The following TBXAS1 variants were observed in gnomAD, a reference collection of about 807,000 sequenced individuals.
TBXAS1 encodes thromboxane A synthase 1, also known as thromboxane-A synthase.
TBXAS1 carries 48 observed loss-of-function variants against 60.7 expected under a neutral mutation model. The observed-to-expected ratio is 0.79, with a 90% CI of 0.63 to 1.01. The LOEUF (loss-of-function observed/expected upper bound fraction) is 1.01, where lower values mean the gene tolerates loss of function less well. TBXAS1 is among the 50% of genes least tolerant of loss of function. TBXAS1 has a pLI of 0.00. For synonymous variants in TBXAS1, 287 were observed against 269.7 expected (o/e 1.06, Z -0.63); for missense variants, 685 against 686.3 (o/e 1.00, Z 0.02).
chr7:139,849,208 G>A (rs915329172), intron 1 of TBXAS1, among the ~76,000 whole-genome samples: 13 of 151,762 alleles, frequency 8.6e-5, no homozygotes, highest in Non-Finnish European at 1.3e-4. Flanking sequence ...GGAAGTCTCC[G>A]TCTCTACAGA....
At chr7:139,924,241 G>A (rs551197223) in intron 4 of TBXAS1, among the ~76,000 whole-genome samples, 4 of 152,208 alleles carry the variant, frequency 2.6e-5, no homozygotes, top group South Asian at 2.1e-4. Flanking sequence ...GTTCTCCATA[G>A]TGATTGTCCT....
intron 4 of TBXAS1, among the ~76,000 whole-genome samples, chr7:139,923,127 G>C (rs796813313): frequency 2.9e-4 from 44 of 151,758 alleles, no homozygotes; most frequent in African/African-American, 1.0e-3. Flanking sequence ...AGACCAGCCT[G>C]GGTAACAAAC....
At chr7:139,827,599 G>A (rs1368793382), upstream of TBXAS1, among the ~76,000 whole-genome samples, 1 of 152,124 alleles carries the variant, frequency 6.6e-6, no homozygotes, top group Admixed American at 6.5e-5. Flanking sequence ...GCTTTAAAGA[G>A]GTTCTGTTTT....
At chr7:139,895,440 G>A (rs1219020172) in intron 3 of TBXAS1, among the ~76,000 whole-genome samples, 1 of 152,232 alleles carries the variant, frequency 6.6e-6, no homozygotes, top group Non-Finnish European at 1.5e-5. Flanking sequence ...GTGAAGGGAA[G>A]GAGGAGAAAG....
chr7:139,920,135 G>A (rs1224018833), intron 4 of TBXAS1, among the ~76,000 whole-genome samples: 1 of 152,250 alleles, frequency 6.6e-6, no homozygotes, highest in Non-Finnish European at 1.5e-5. Context: ...GTCAGAGACT[G>A]TGGTCTTGAC....
rs1395823522 is a variant in TBXAS1, at chr7:140,017,829, C to T, written c.1523C>T (p.Thr508Ile). The T allele has an allele frequency of 1.9e-6, 3 of 1,614,054 alleles. No homozygotes were observed. In the East Asian group the frequency reaches 6.7e-5, roughly 36 times the overall value. Reference protein sequence around the residue: ...HKFRFQACPETQVPLQLESKS... With the variant: ...HKFRFQACPEIQVPLQLESKS... ...TTCCGGTTCCAAGCCTGCCCTGAGA[C>T]CCAGGTGAGGCCCCCCTGCTCAGAG... Residue 508 changes from threonine to isoleucine, a missense_variant, in exon 12 of 13, where the codon ACC (threonine) becomes ATC (isoleucine). By Grantham distance (89) the Thr-to-Ile change is moderately conservative. Coordinates refer to ENST00000448866, the MANE Select transcript of TBXAS1 (RefSeq NM_001061.7).
chr7:139,844,563 C>G (rs942515335), intron 1 of TBXAS1, among the ~76,000 whole-genome samples: 1 of 152,186 alleles, frequency 6.6e-6, no homozygotes, highest in African/African-American at 2.4e-5. Context: ...TAACCTGCAC[C>G]ACCATCGCGT....
chr7:139,950,873 C>CCCCCTCGCCCTCCATCTACGGGAT (rs1569518163), intron 5 of TBXAS1, among the ~76,000 whole-genome samples: 1 of 141,472 alleles, frequency 7.1e-6, no homozygotes, highest in African/African-American at 2.6e-5. Flanking sequence ...ATCTACGGGA[C>CCCCCTCGCCCTCCATCTACGGGAT]CCCCTCGCCC....
intron 3 of TBXAS1, among the ~76,000 whole-genome samples, chr7:139,784,065 A>C (rs1585493145): frequency 8.0e-6 from 1 of 125,786 alleles, no homozygotes; most frequent in African/African-American, 2.9e-5. Flanking sequence ...CTCCTTTCAC[A>C]TGCTTGTTTA....
At chr7:139,785,131 G>A (rs1797146358) in intron 3 of TBXAS1, among the ~76,000 whole-genome samples, 1 of 152,182 alleles carries the variant, frequency 6.6e-6, no homozygotes, top group African/African-American at 2.4e-5. Context: ...TGTGGAGAGA[G>A]AGGCTAAGAG....
At chr7:139,820,046 A>G (rs1290088616) in intron 4 of TBXAS1, among the ~76,000 whole-genome samples, 1 of 151,914 alleles carries the variant, frequency 6.6e-6, no homozygotes. Context: ...TCTGGATTCT[A>G]ACTTTTGCTT....
intron 4 of TBXAS1, among the ~76,000 whole-genome samples, chr7:139,821,330 T>C: frequency 6.6e-6 from 1 of 152,152 alleles, no homozygotes; most frequent in East Asian, 1.9e-4. Context: ...CAGCTGGATA[T>C]ATTGGTCTGA....
In TBXAS1 at chr7:139,829,428, G is replaced by T; in HGVS notation, c.38G>T (p.Gly13Val). 6 of 1,613,974 alleles carry T rather than the reference G, an allele frequency of 3.7e-6. No homozygotes were observed. Among genetic ancestry groups the T allele is most frequent in the Non-Finnish European group, 5.1e-6 (6 of 1,179,970 alleles). Residue 13 changes from glycine to valine, a missense_variant, in exon 1 of 13, where the codon GGC becomes GTC. Gly to Val is a moderately radical substitution (Grantham distance 109, BLOSUM62 -3). Transcript: ENST00000448866. Reference sequence around the variant, plus strand: ...GGGTTTCTAAAATTGGAAGTGAATGGCCCCATGGTGACGGTGGCCCTGTCA... The same window carrying T: ...GGGTTTCTAAAATTGGAAGTGAATGTCCCCATGGTGACGGTGGCCCTGTCA... ...ALGFLKLEVN[G>V]PMVTVALSVA...
intron 4 of TBXAS1, among the ~76,000 whole-genome samples, chr7:139,788,946 T>G (rs1797288122): frequency 6.6e-6 from 1 of 152,168 alleles, no homozygotes; most frequent in Non-Finnish European, 1.5e-5. Flanking sequence ...TCCAAGTTGG[T>G]AGAATGAAAG....
rs893951578 is a variant in TBXAS1 at position 139,966,332 on chromosome 7, C to T, written c.1134+4099C>T. Among the ~76,000 whole-genome samples the T allele has an allele frequency of 7.2e-5, 11 of 152,340 alleles. No individual in the cohort carries two copies. The South Asian group carries it at 1.4e-3, about 20-fold the overall frequency. ...GATATGTGCATGGCATCAGTTCAGA[C>T]TCTTCTGTGGACAGTGATAAAAAAA... On this transcript the variant is annotated intron_variant, in intron 9 of 12. Coordinates refer to ENST00000448866, the MANE Select transcript of TBXAS1 (RefSeq NM_001061.7).
intron 4 of TBXAS1, among the ~76,000 whole-genome samples, chr7:139,925,604 A>G (rs1806816946): frequency 6.6e-6 from 1 of 152,158 alleles, no homozygotes; most frequent in African/African-American, 2.4e-5. Flanking sequence ...AGATAATTTG[A>G]CTTCTTCCTT....
chr7:139,883,263 C>T (rs1040280347), intron 3 of TBXAS1, among the ~76,000 whole-genome samples: 2 of 152,238 alleles, frequency 1.3e-5, no homozygotes, highest in Admixed American at 1.3e-4. Flanking sequence ...CCAGCATGAT[C>T]TCGTTATACC....
intron 3 of TBXAS1, among the ~76,000 whole-genome samples, chr7:139,890,458 A>G (rs908808540): frequency 1.3e-5 from 2 of 151,028 alleles, no homozygotes; most frequent in Non-Finnish European, 1.5e-5. Context: ...CTCGTGATCC[A>G]CCCGCCTCGG....
intron 3 of TBXAS1, among the ~76,000 whole-genome samples, chr7:139,883,621 T>C (rs1306366821): frequency 6.6e-6 from 1 of 152,218 alleles, no homozygotes; most frequent in Non-Finnish European, 1.5e-5. Context: ...CAGCTTCAAC[T>C]TTCTTTCTCT....
Sources: gnomAD v4.1 joint callset for allele counts (sites outside exome capture counted in the v4.1 genomes callset) on GRCh38, gnomAD v4.1.1 for gene constraint, MANE v1.5 for transcripts, NCBI Gene and HGNC (gene_info 2026-07-23, HGNC 2026-07-21) for gene names.